SPAG16: variants seen among roughly 807,000 people sequenced by gnomAD.
SPAG16 encodes the protein sperm associated antigen 16.
A neutral mutation model predicts 80.4 loss-of-function variants in SPAG16; 86 were observed. That is an observed-to-expected ratio of 1.07 (90% CI 0.90 to 1.28). SPAG16 has a LOEUF of 1.28. Ranked by LOEUF, SPAG16 falls within the 50% of genes most tolerant of loss-of-function variation. The pLI is 0.00. For missense variants in SPAG16, 870 were observed against 765.3 expected (o/e 1.14, Z -1.61); for synonymous variants, 294 against 265.9 (o/e 1.11, Z -1.03).
chr2:214,344,056 C>T (rs957176107), intron 15 of SPAG16, among the ~76,000 whole-genome samples: 4 of 152,098 alleles, frequency 2.6e-5, no homozygotes, highest in Admixed American at 2.0e-4. Context: ...TTTTTCTCAA[C>T]CCTCATACTT....
chr2:213,422,513 C>T (rs1423103593), intron 9 of SPAG16: 3 of 511,854 alleles, frequency 5.9e-6, no homozygotes, highest in South Asian at 5.6e-5. Context: ...GAGCTGAGCA[C>T]AGCCTACCAG....
At chr2:213,730,618 A>AT in intron 10 of SPAG16, among the ~76,000 whole-genome samples, 1 of 151,988 alleles carries the variant, frequency 6.6e-6, no homozygotes. Context: ...TCTTTCAAAT[A>AT]TTTTTCTGTC....
chr2:213,474,193 C>A (rs549075323), intron 9 of SPAG16, among the ~76,000 whole-genome samples: 1 of 152,288 alleles, frequency 6.6e-6, no homozygotes, highest in African/African-American at 2.4e-5. Flanking sequence ...GTTGCAGGGT[C>A]CCATTCTTTT....
chr2:213,896,129 GCAAA>G (rs2076981713), intron 11 of SPAG16, among the ~76,000 whole-genome samples: 1 of 151,856 alleles, frequency 6.6e-6, no homozygotes, highest in Admixed American at 6.6e-5. Context: ...CAGTAAAATG[GCAAA>G]CAGACCTGAA....
intron 15 of SPAG16, chr2:214,250,071 A>G (rs2125845970): frequency 6.6e-6 from 1 of 152,234 alleles, no homozygotes; most frequent in Admixed American, 6.5e-5. Flanking sequence ...AGCACAGAAA[A>G]CTTACTTTAT....
chr2:214,264,605 C>G (rs1027228191), intron 15 of SPAG16, among the ~76,000 whole-genome samples: 1 of 152,090 alleles, frequency 6.6e-6, no homozygotes, highest in African/African-American at 2.4e-5. Flanking sequence ...ATTGTTATAA[C>G]TGATGAAGTA....
chr2:214,059,532 C>G (rs1392798536), intron 13 of SPAG16, among the ~76,000 whole-genome samples: 2 of 151,810 alleles, frequency 1.3e-5, no homozygotes, highest in East Asian at 3.9e-4. Context: ...CATACCTGGC[C>G]TTTTCTAATT....
At chr2:213,714,970 A>G (rs2066166343) in intron 10 of SPAG16, among the ~76,000 whole-genome samples, 2 of 152,204 alleles carry the variant, frequency 1.3e-5, no homozygotes, top group South Asian at 2.1e-4. Context: ...TCTTTGTTCA[A>G]TGTACTGATT....
At chr2:213,577,299 A>G (rs999889700) in intron 10 of SPAG16, among the ~76,000 whole-genome samples, 2 of 152,132 alleles carry the variant, frequency 1.3e-5, no homozygotes, top group African/African-American at 4.8e-5. Context: ...GAACATTATT[A>G]TCTACTTCCT....
At chr2:214,395,215 TA>T (rs914953997) in intron 15 of SPAG16, among the ~76,000 whole-genome samples, 1 of 152,202 alleles carries the variant, frequency 6.6e-6, no homozygotes, top group African/African-American at 2.4e-5. Flanking sequence ...CCTCTTTGGG[TA>T]AATACAAAGG....
At chr2:214,205,432 T>A (rs936492679) in intron 15 of SPAG16, among the ~76,000 whole-genome samples, 3 of 152,186 alleles carry the variant, frequency 2.0e-5, no homozygotes, top group African/African-American at 7.2e-5. Context: ...AATCATAAGA[T>A]CCTGAAAAAC....
At chr2:214,015,145 C>T (rs10186200) in intron 13 of SPAG16, among the ~76,000 whole-genome samples, 58,521 of 151,970 alleles carry the variant, frequency 0.39, 11,805 homozygotes, top group South Asian at 0.69. Context: ...AGTTTTCAGC[C>T]GCCTAACATC....
chr2:213,769,825 T>C (rs528313967), intron 10 of SPAG16, among the ~76,000 whole-genome samples: 34 of 152,312 alleles, frequency 2.2e-4, no homozygotes, highest in African/African-American at 7.7e-4. Flanking sequence ...TACAGTTTGA[T>C]CATCTTTAAC....
At chr2:214,091,767 T>A (rs1178789053) in intron 13 of SPAG16, among the ~76,000 whole-genome samples, 1 of 152,130 alleles carries the variant, frequency 6.6e-6, no homozygotes, top group Non-Finnish European at 1.5e-5. Flanking sequence ...AATAGGTTCC[T>A]GTATGCTTAG....
intron 14 of SPAG16, among the ~76,000 whole-genome samples, chr2:214,124,846 A>C (rs139859442): frequency 0.022 from 3,396 of 151,814 alleles, 115 homozygotes; most frequent in South Asian, 0.13. Context: ...GATGGGCTGG[A>C]ATTTCCTGGA....
chr2:213,484,930 G>T (rs374710051), intron 9 of SPAG16, among the ~76,000 whole-genome samples: 1 of 151,266 alleles, frequency 6.6e-6, no homozygotes, highest in African/African-American at 2.4e-5. Flanking sequence ...CACATTTCTT[G>T]TTAGTGTTCT....
At chr2:213,302,846 C>G (rs2062799969) in intron 3 of SPAG16, among the ~76,000 whole-genome samples, 1 of 151,998 alleles carries the variant, frequency 6.6e-6, no homozygotes, top group African/African-American at 2.4e-5. Flanking sequence ...TTTGAAAGGG[C>G]AGGAATCTGC....
In SPAG16 at chr2:214,299,738, G is replaced by A. The variant is rs145548125; in HGVS notation, c.1721-110402G>A. Among the ~76,000 whole-genome samples the A allele has an allele frequency of 6.0e-4, 91 of 152,180 alleles. 1 individual carries two copies. The East Asian group carries it at 0.016, about 27-fold the overall frequency. On this transcript the variant is annotated intron_variant, in intron 15 of 15. Transcript: ENST00000331683. Reference sequence around the variant, plus strand: ...TGGCTTTGCTGAAACTTTTTAATAAGGAATCTCAGGTTAAACTTTTTAAAA... The same window carrying A: ...TGGCTTTGCTGAAACTTTTTAATAAAGAATCTCAGGTTAAACTTTTTAAAA...
At chr2:213,519,931 G>C (rs927639975) in intron 10 of SPAG16, among the ~76,000 whole-genome samples, 7 of 152,072 alleles carry the variant, frequency 4.6e-5, no homozygotes, top group African/African-American at 1.7e-4. Context: ...GGACATTTTG[G>C]ATTAGCATGA....
Sources: allele counts gnomAD v4.1 joint callset (sites outside exome capture counted in the v4.1 genomes callset), GRCh38; gene constraint gnomAD v4.1.1; transcripts MANE v1.5; gene names NCBI Gene and HGNC (gene_info 2026-07-23, HGNC 2026-07-21).